The following RRH variants were observed in gnomAD, a reference collection of about 807,000 sequenced individuals.
RRH encodes retinal pigment epithelium-derived rhodopsin homolog, also known as visual pigment-like receptor peropsin.
In RRH, 36 loss-of-function variants were observed where a neutral mutation model predicts 33.1. That is an observed-to-expected ratio of 1.09 (90% CI 0.83 to 1.44). RRH has a LOEUF of 1.44. Among genes scored for constraint, RRH ranks in the 40% most tolerant of loss-of-function variants. The pLI is 0.00. For synonymous variants in RRH, 124 were observed against 140.2 expected, an observed-to-expected ratio of 0.88 and a Z score of 0.82; for missense variants, 393 against 420.2, an observed-to-expected ratio of 0.94 and a Z score of 0.57.
chr4:109,832,974 A>T (rs1163113788), intron 1 of RRH, among the ~76,000 whole-genome samples, 165 bp from the exon 2 acceptor site: 1 of 152,226 alleles, frequency 6.6e-6, no homozygotes, highest in African/African-American at 2.4e-5. Flanking sequence ...CACAGAAGGG[A>T]TGTGAAGATG....
chr4:109,831,155 A>T (rs190735499), intron 1 of RRH, among the ~76,000 whole-genome samples: 32 of 152,304 alleles, frequency 2.1e-4, no homozygotes, highest in African/African-American at 7.5e-4. Context: ...CGTACTTGGT[A>T]GGCAGCAATT....
At chr4:109,842,811 C>T (rs974721361) in intron 6 of RRH, among the ~76,000 whole-genome samples, 164 bp downstream of exon 6, 1 of 152,170 alleles carries the variant, frequency 6.6e-6, no homozygotes, top group Non-Finnish European at 1.5e-5. Flanking sequence ...CTTAGAGCTC[C>T]AGATTTGTTA....
chr4:109,839,731 A>G (rs1438720873), intron 5 of RRH, among the ~76,000 whole-genome samples: 1 of 152,142 alleles, frequency 6.6e-6, no homozygotes, highest in Non-Finnish European at 1.5e-5. Flanking sequence ...CTGTTCCTGC[A>G]TTAGTTTGCT....
At chr4:109,836,233 C>A in intron 4 of RRH, 73 bp downstream of exon 4, 1 of 1,512,360 alleles carries the variant, frequency 6.6e-7, no homozygotes, top group Non-Finnish European at 9.2e-7. Flanking sequence ...CAAATTTAAG[C>A]TCAGATCATG....
Position 109,842,520 on chromosome 4 carries a change from AT to A in RRH, c.773del (p.Ile258ThrfsTer21). Reference sequence around the variant, plus strand: ...TCTGGTGGCATGGTCCCCTTATTCCATCGTGTGCTTATGGGCTTCTTTTGGT... The same window carrying A: ...TCTGGTGGCATGGTCCCCTTATTCCACGTGTGCTTATGGGCTTCTTTTGGT... ...MFLVAWSPYS[I>X]VCLWASFGDP... On this transcript the variant is annotated frameshift_variant, in exon 6 of 7. Coordinates refer to ENST00000317735, the MANE Select transcript of RRH (RefSeq NM_006583.5). LOFTEE classifies it high-confidence loss of function. 1 of 1,614,006 alleles carries A rather than the reference AT, an allele frequency of 6.2e-7. No homozygotes were observed. The highest frequency in any genetic ancestry group is 1.1e-5 in the South Asian group (1 of 91,070).
chr4:109,828,072 A>G lies in RRH; in HGVS notation c.45A>G (p.Glu15=), dbSNP rs774370585. 43 of 1,612,838 alleles carry G rather than the reference A, an allele frequency of 2.7e-5. No homozygotes were observed. The highest frequency in any genetic ancestry group is 6.7e-5 in the Admixed American group (4 of 59,994). ...GCAACAGTTCAGACTCTAAAAATGA[A>G]GATGGCTCGGTCTTTTCACAGACTG... ...NLGNSSDSKN[E]DGSVFSQTEH... Residue 15 remains glutamate (E), a synonymous_variant, in exon 1 of 7, where the codon GAA becomes GAG. Coordinates refer to ENST00000317735, the MANE Select transcript of RRH (RefSeq NM_006583.5).
intron 5 of RRH, among the ~76,000 whole-genome samples, chr4:109,839,943 C>T (rs1733955698): frequency 6.6e-6 from 1 of 152,050 alleles, no homozygotes; most frequent in Non-Finnish European, 1.5e-5. Flanking sequence ...GTGCATGTGT[C>T]TTTATAATAC....
chr4:109,828,221 C>G, intron 1 of RRH, 88 bp downstream of exon 1: 1 of 909,250 alleles, frequency 1.1e-6, no homozygotes, highest in South Asian at 1.3e-5. Flanking sequence ...GTTTCAAGTT[C>G]CATATTATTG....
intron 5 of RRH, among the ~76,000 whole-genome samples, chr4:109,837,842 C>CTCAG (rs1553921478): frequency 1.3e-5 from 2 of 151,586 alleles, no homozygotes; most frequent in African/African-American, 2.4e-5. Flanking sequence ...ATGGCACGAT[C>CTCAG]TCGGCTCACT....
At chr4:109,828,272 G>A (rs756315438) in intron 1 of RRH, 139 bp downstream of exon 1, 59 of 636,980 alleles carry the variant, frequency 9.3e-5, no homozygotes, top group South Asian at 4.5e-4. Flanking sequence ...TGGCTTGCTC[G>A]TTGGTAAATG....
chr4:109,839,883 A>G (rs1733954839), intron 5 of RRH, among the ~76,000 whole-genome samples: 1 of 152,214 alleles, frequency 6.6e-6, no homozygotes, highest in Non-Finnish European at 1.5e-5. Flanking sequence ...GGTTAATTCC[A>G]TGTCATGTCC....
intron 2 of RRH, 117 bp downstream of exon 2, chr4:109,833,446 C>T (rs1733805495): frequency 1.2e-6 from 1 of 809,328 alleles, no homozygotes; most frequent in East Asian, 2.7e-5. Context: ...AGATACAGTG[C>T]TTTTATGGAA....
intron 1 of RRH, among the ~76,000 whole-genome samples, chr4:109,829,548 C>G (rs1443404872): frequency 6.6e-6 from 1 of 152,042 alleles, no homozygotes; most frequent in Non-Finnish European, 1.5e-5. Context: ...CTTACTACTA[C>G]TGCTACTAAT....
chr4:109,837,547 C>T lies in RRH; in HGVS notation c.662C>T (p.Thr221Ile). 1 of 1,613,684 alleles carries T rather than the reference C, an allele frequency of 6.2e-7. No individual in the cohort carries two copies. The highest frequency in any genetic ancestry group is 8.5e-7 in the Non-Finnish European group (1 of 1,179,630). ...HVTLSIKHHTTSDCTESLNRD... is the reference protein window; with the variant it reads ...HVTLSIKHHTISDCTESLNRD... ...ACGCTATCCATTAAACATCACACTA[C>T]CAGTGACTGCACTGAGTCCCTCAAC... The change falls in exon 5 of 7, where the codon ACC becomes ATC. Residue 221 changes from threonine (T) to isoleucine (I), a missense_variant. Physicochemically the swap from Thr to Ile is moderately conservative, Grantham distance 89. Coordinates refer to ENST00000317735, the MANE Select transcript of RRH (RefSeq NM_006583.5).
intron 3 of RRH, 134 bp from the exon 4 acceptor site, chr4:109,835,873 C>T (rs1472671195): frequency 1.1e-5 from 11 of 960,266 alleles, no homozygotes; most frequent in Non-Finnish European, 1.7e-5. Flanking sequence ...GTGTTGCACT[C>T]ATGTTTTGGC....
Position 109,828,148 on chromosome 4 carries a change from G to C in RRH, c.106+15G>C. The C allele has an allele frequency of 1.3e-6, 2 of 1,550,756 alleles. No homozygotes were observed. The highest frequency in any genetic ancestry group is 1.1e-5 in the South Asian group (1 of 89,634). Reference sequence around the variant, plus strand: ...GATTATGGCAGGTATGGATATTTAAGTAAGTTATTTTTCTTTAGAATGGGT... The same window carrying C: ...GATTATGGCAGGTATGGATATTTAACTAAGTTATTTTTCTTTAGAATGGGT... On this transcript the variant is annotated intron_variant, in intron 1 of 6. Transcript: ENST00000317735.
In RRH at chr4:109,844,277, C is replaced by T. The variant is rs927255956; in HGVS notation, c.*80C>T. 1.2e-6 allele frequency: 1 copy of T among 856,246 alleles called. No homozygotes were observed. The highest frequency in any genetic ancestry group is 2.0e-6 in the Non-Finnish European group (1 of 506,548). The allele number at this position is 856,246 out of a possible 1,614,324, so 53.0% of individuals were successfully genotyped here. On this transcript the variant is annotated 3_prime_UTR_variant, in exon 7 of 7. Coordinates refer to ENST00000317735, the MANE Select transcript of RRH (RefSeq NM_006583.5). ...CTTTTAAATATGAGCCCATTTAGAT[C>T]AAGTGCAGACATGGATCATTGTCCT...
Position 109,837,520 on chromosome 4 carries a change from T to A in RRH, c.635T>A (p.Val212Asp). ...GTGATGTTTTACTGCTATTACCATG[T>A]CACGCTATCCATTAAACATCACACT... The part of the protein sequence containing the change: ...LTVMFYCYYH[V>D]TLSIKHHTTS... Residue 212 changes from valine (V) to aspartate (D), a missense_variant, in exon 5 of 7, where the codon GTC becomes GAC. Val to Asp is a radical substitution (Grantham distance 152). Coordinates refer to ENST00000317735, the MANE Select transcript of RRH (RefSeq NM_006583.5). 1 of 1,613,836 alleles carries A rather than the reference T, an allele frequency of 6.2e-7. No individual in the cohort carries two copies. Among genetic ancestry groups the A allele is most frequent in the Non-Finnish European group, 8.5e-7 (1 of 1,179,676 alleles).
rs760309467 is a variant in RRH at position 109,837,452 on chromosome 4, C to T, written c.567C>T (p.Tyr189=). The T allele has an allele frequency of 6.8e-6, 11 of 1,613,884 alleles. No individual in the cohort carries two copies. The Admixed American group carries it at 1.8e-4, about 27-fold the overall frequency. Residue 189 remains tyrosine (Y), a synonymous_variant, in exon 5 of 7, where the codon TAC becomes TAT. Coordinates refer to ENST00000317735, the MANE Select transcript of RRH (RefSeq NM_006583.5). The stretch of plus-strand genomic sequence containing the variant: ...TTATTTTCAGATCTTTTGTGTCTTA[C>T]ACCATGACAGTTATTGCGATAAATT... ...WRKNDRSFVS[Y]TMTVIAINFI...
Sources: gnomAD v4.1 joint callset for allele counts (sites outside exome capture counted in the v4.1 genomes callset) on GRCh38, gnomAD v4.1.1 for gene constraint, MANE v1.5 for transcripts, NCBI Gene and HGNC (gene_info 2026-07-23, HGNC 2026-07-21) for gene names.